The following RALYL variants were observed in gnomAD, a reference collection of about 807,000 sequenced individuals.
The protein encoded by RALYL is RNA-binding Raly-like protein.
In RALYL, 29 loss-of-function variants were observed where a neutral mutation model predicts 35.1. That is an observed-to-expected ratio of 0.83 (90% CI 0.61 to 1.13). RALYL has a LOEUF of 1.13. Among genes scored for constraint, RALYL ranks in the 50% most tolerant of loss-of-function variants. RALYL has a pLI of 0.00. For synonymous variants in RALYL, 120 were observed against 127.6 expected (o/e 0.94, Z 0.40); for missense variants, 359 against 360.4 (o/e 1.00, Z 0.03).
At chr8:84,826,544 A>G (rs113031425) in intron 4 of RALYL, among the ~76,000 whole-genome samples, 3 of 152,264 alleles carry the variant, frequency 2.0e-5, no homozygotes, top group African/African-American at 7.2e-5. Context: ...TTTTAATATT[A>G]GGCCAGTATG....
chr8:84,203,777 G>A (rs1817456160), intron 1 of RALYL, among the ~76,000 whole-genome samples: 1 of 152,034 alleles, frequency 6.6e-6, no homozygotes, highest in African/African-American at 2.4e-5. Context: ...GATAGGTATT[G>A]TGAAATTCAG....
At chr8:84,763,507 T>C (rs1280635355) in intron 2 of RALYL, among the ~76,000 whole-genome samples, 1 of 152,222 alleles carries the variant, frequency 6.6e-6, no homozygotes, top group Non-Finnish European at 1.5e-5. Flanking sequence ...ACAGTTGTAT[T>C]CACCGTTGAT....
intron 2 of RALYL, among the ~76,000 whole-genome samples, chr8:84,756,289 G>A (rs1811394745): frequency 6.6e-6 from 1 of 152,100 alleles, no homozygotes; most frequent in Admixed American, 6.6e-5. Flanking sequence ...AGAGGCTTGA[G>A]GTAAGCAGAT....
rs555737551 is a variant in RALYL at position 84,749,685 on chromosome 8, G to A, written c.257-24894G>A. Among the ~76,000 whole-genome samples the A allele has an allele frequency of 1.8e-3, 281 of 152,258 alleles. 1 individual carries two copies. The highest frequency in any genetic ancestry group is 6.4e-3 in the African/African-American group (265 of 41,558). On this transcript the variant is annotated intron_variant, in intron 2 of 8. Coordinates refer to ENST00000521268, the MANE Select transcript of RALYL (RefSeq NM_173848.7). ...AGAGGGAAGGATCTATGTGAAGCAGGTTCACTGTGCACTGGTTACCAATTT... is the reference window on the plus strand; with the variant it reads ...AGAGGGAAGGATCTATGTGAAGCAGATTCACTGTGCACTGGTTACCAATTT...
At chr8:84,243,501 C>CT (rs34469585) in intron 1 of RALYL, among the ~76,000 whole-genome samples, 37,191 of 97,360 alleles carry the variant, frequency 0.38, 8,603 homozygotes, top group South Asian at 0.54. Flanking sequence ...CTCTCTCACA[C>CT]TTTTTTTTTT....
At chr8:84,461,569 T>C (rs2050770971) in intron 1 of RALYL, among the ~76,000 whole-genome samples, 1 of 151,778 alleles carries the variant, frequency 6.6e-6, no homozygotes, top group South Asian at 2.1e-4. Flanking sequence ...CTAGGAATTT[T>C]AGTACAGTTG....
At chr8:84,678,055 GA>G (rs899089840) in intron 2 of RALYL, among the ~76,000 whole-genome samples, 2 of 151,316 alleles carry the variant, frequency 1.3e-5, no homozygotes, top group Admixed American at 6.6e-5. Flanking sequence ...CCAACCAATT[GA>G]AAAAAAATCC....
At chr8:84,226,210 G>A (rs1362463021) in intron 1 of RALYL, among the ~76,000 whole-genome samples, 2 of 152,104 alleles carry the variant, frequency 1.3e-5, no homozygotes, top group Non-Finnish European at 2.9e-5. Context: ...TGCTTCTTAT[G>A]AGAATCTAAT....
chr8:84,523,885 T>TG (rs1474375122), intron 1 of RALYL, among the ~76,000 whole-genome samples: 3 of 152,056 alleles, frequency 2.0e-5, no homozygotes, highest in African/African-American at 7.2e-5. Flanking sequence ...ATGTTGTATA[T>TG]GTGCCACATT....
chr8:84,406,054 C>A (rs1429132394), intron 1 of RALYL, among the ~76,000 whole-genome samples: 1 of 141,450 alleles, frequency 7.1e-6, no homozygotes, highest in Admixed American at 7.1e-5. Flanking sequence ...CCATTTCATA[C>A]CTAAAGTAAA....
chr8:84,639,380 T>G (rs1191195301), intron 2 of RALYL, among the ~76,000 whole-genome samples: 1 of 151,876 alleles, frequency 6.6e-6, no homozygotes, highest in Admixed American at 6.6e-5. Context: ...AATTTTGTGT[T>G]TTGTTACAAC....
chr8:84,771,004 T>C (rs568889161), intron 2 of RALYL, among the ~76,000 whole-genome samples: 48 of 152,318 alleles, frequency 3.2e-4, no homozygotes, highest in African/African-American at 1.1e-3. Context: ...GGGTTGTCTG[T>C]TTACTCTGCT....
intron 5 of RALYL, among the ~76,000 whole-genome samples, chr8:84,861,792 A>T (rs1838155726): frequency 6.6e-6 from 1 of 152,194 alleles, no homozygotes; most frequent in Non-Finnish European, 1.5e-5. Context: ...GTTTTCTTGA[A>T]GCTGGTTTTA....
At chr8:84,534,414 A>G (rs763375301) in intron 2 of RALYL, among the ~76,000 whole-genome samples, 2 of 152,226 alleles carry the variant, frequency 1.3e-5, no homozygotes, top group Non-Finnish European at 2.9e-5. Context: ...TCTAGCAAGT[A>G]TCTTCTTTTC....
intron 8 of RALYL, among the ~76,000 whole-genome samples, chr8:84,899,588 G>A (rs962715662): frequency 6.6e-6 from 1 of 152,118 alleles, no homozygotes; most frequent in Admixed American, 6.5e-5. Context: ...GAAGCAAACA[G>A]TTTTCATTAT....
At chr8:84,755,087 A>G (rs1811055165) in intron 2 of RALYL, among the ~76,000 whole-genome samples, 1 of 152,172 alleles carries the variant, frequency 6.6e-6, no homozygotes, top group Non-Finnish European at 1.5e-5. Flanking sequence ...ATTGAGGGTC[A>G]ACTGTCAAGA....
intron 1 of RALYL, among the ~76,000 whole-genome samples, chr8:84,510,191 A>G (rs2057495247): frequency 6.6e-6 from 1 of 152,148 alleles, no homozygotes; most frequent in Admixed American, 6.5e-5. Context: ...TGTGGCTTTT[A>G]TCATATAAGT....
At chr8:84,671,366 G>A (rs529578609) in intron 2 of RALYL, among the ~76,000 whole-genome samples, 10 of 152,220 alleles carry the variant, frequency 6.6e-5, no homozygotes, top group African/African-American at 2.4e-4. Flanking sequence ...CTGGAGGATG[G>A]GGGCCCTCTT....
intron 1 of RALYL, among the ~76,000 whole-genome samples, chr8:84,227,306 C>T (rs1162831426): frequency 2.0e-5 from 3 of 151,728 alleles, no homozygotes; most frequent in Admixed American, 6.6e-5. Context: ...GATCCACCCG[C>T]CTCGGTCTCT....
Sources: gnomAD v4.1 joint callset for allele counts (sites outside exome capture counted in the v4.1 genomes callset) on GRCh38, gnomAD v4.1.1 for gene constraint, MANE v1.5 for transcripts, NCBI Gene and HGNC (gene_info 2026-07-23, HGNC 2026-07-21) for gene names.